AGBL1: variants seen among roughly 807,000 people sequenced by gnomAD.
AGBL1 encodes the protein cytosolic carboxypeptidase 4.
A neutral mutation model predicts 118.9 loss-of-function variants in AGBL1; 130 were observed. The ratio of observed to expected loss-of-function variants is 1.09; its 90% confidence interval spans 0.95 to 1.26. The LOEUF is 1.26. AGBL1 is among the 50% of genes most tolerant of loss of function. The pLI is 0.00. For missense variants in AGBL1, 1,584 were observed against 1,298.1 expected, an observed-to-expected ratio of 1.22 and a Z score of -3.38; for synonymous variants, 555 against 478.9, an observed-to-expected ratio of 1.16 and a Z score of -2.08.
chr15:86,836,029 G>A (rs2079166619), intron 22 of AGBL1, among the ~76,000 whole-genome samples: 1 of 152,082 alleles, frequency 6.6e-6, no homozygotes, highest in Admixed American at 6.6e-5. Context: ...CTTATCCCTT[G>A]ACTAAACTAT....
At chr15:86,643,199 G>A (rs1313279431) in intron 21 of AGBL1, among the ~76,000 whole-genome samples, 1 of 152,084 alleles carries the variant, frequency 6.6e-6, no homozygotes, top group Non-Finnish European at 1.5e-5. Context: ...ATCTTATTTT[G>A]AGAAGTACAC....
Position 86,912,739 on chromosome 15 carries a change from T to TAGGG in AGBL1, c.*5446_*5449dup, listed in dbSNP as rs1341006772. 1 of 152,198 alleles carries TAGGG rather than the reference T, an allele frequency of 6.6e-6. No individual in the cohort carries two copies. The highest frequency in any genetic ancestry group is 6.5e-5 in the Admixed American group (1 of 15,282). The allele number at this position is 152,198 out of a possible 1,614,324, so 9.4% of individuals were successfully genotyped here. On this transcript the variant is annotated 3_prime_UTR_variant, in exon 23 of 23. Coordinates refer to ENST00000614907, the MANE Select transcript of AGBL1 (RefSeq NM_001386094.1). ...AATGCCTGACATAAGTCATCCTTGT[T>TAGGG]AGGGCCACAGAAGAATGACTCGCAT...
intron 22 of AGBL1, among the ~76,000 whole-genome samples, chr15:86,878,472 C>T (rs537764549): frequency 6.6e-6 from 1 of 152,312 alleles, no homozygotes; most frequent in East Asian, 1.9e-4. Flanking sequence ...GGCCATCCCT[C>T]CTATCCATCA....
At chr15:86,283,127 T>C (rs71399819) in intron 16 of AGBL1, among the ~76,000 whole-genome samples, 9,100 of 152,170 alleles carry the variant, frequency 0.06, 311 homozygotes, top group Middle Eastern at 0.095. Flanking sequence ...AAAAAAGCTC[T>C]ATTTTAATCA....
chr15:86,502,003 A>G (rs1049277629), intron 18 of AGBL1, among the ~76,000 whole-genome samples: 24 of 151,552 alleles, frequency 1.6e-4, no homozygotes, highest in African/African-American at 5.8e-4. Flanking sequence ...TATGATAGAG[A>G]TTGTGTTGAA....
At chr15:86,629,748 A>T (rs1253200582) in intron 21 of AGBL1, among the ~76,000 whole-genome samples, 1 of 152,168 alleles carries the variant, frequency 6.6e-6, no homozygotes, top group Non-Finnish European at 1.5e-5. Context: ...ACAGGAAAAA[A>T]AACCCTCTCA....
chr15:86,315,567 A>T (rs2079990796), intron 17 of AGBL1, among the ~76,000 whole-genome samples: 1 of 151,956 alleles, frequency 6.6e-6, no homozygotes, highest in South Asian at 2.1e-4. Context: ...TACAAAAAAA[A>T]ACTAGCCGAG....
chr15:86,461,218 C>A (rs1174444261), intron 18 of AGBL1, among the ~76,000 whole-genome samples: 2 of 151,970 alleles, frequency 1.3e-5, no homozygotes, highest in Non-Finnish European at 2.9e-5. Context: ...TGTGGGGGTA[C>A]CAACACTCTA....
At chr15:86,727,859 T>G (rs909530524) in intron 22 of AGBL1, among the ~76,000 whole-genome samples, 1 of 152,232 alleles carries the variant, frequency 6.6e-6, no homozygotes, top group Non-Finnish European at 1.5e-5. Flanking sequence ...GTTCAGTGAC[T>G]GCTTATCCAG....
At chr15:86,117,131 A>T (rs538672331) in intron 1 of AGBL1, among the ~76,000 whole-genome samples, 3 of 151,948 alleles carry the variant, frequency 2.0e-5, no homozygotes, top group African/African-American at 7.2e-5. Context: ...ACATAAAGAA[A>T]TCTGGAGGTG....
At chr15:86,975,380 AC>A (rs1197789379) in intron 23 of AGBL1, among the ~76,000 whole-genome samples, 1 of 152,004 alleles carries the variant, frequency 6.6e-6, no homozygotes, top group Non-Finnish European at 1.5e-5. Context: ...AGACTTATTC[AC>A]CATCACCAGA....
intron 22 of AGBL1, among the ~76,000 whole-genome samples, chr15:86,867,324 T>A (rs767086580): frequency 1.3e-4 from 20 of 152,188 alleles, no homozygotes; most frequent in Non-Finnish European, 4.4e-5. Context: ...ATTTTCCTTT[T>A]GCCAAGAGTT....
intron 10 of AGBL1, 58 bp downstream of exon 10, chr15:86,262,952 C>G: frequency 1.5e-6 from 2 of 1,307,426 alleles, no homozygotes; most frequent in Non-Finnish European, 2.2e-6. Flanking sequence ...CTTTGCAGAT[C>G]CTGGGAGGCC....
At chr15:86,848,790 A>G (rs1184391672) in intron 22 of AGBL1, among the ~76,000 whole-genome samples, 1 of 152,188 alleles carries the variant, frequency 6.6e-6, no homozygotes, top group Non-Finnish European at 1.5e-5. Context: ...GCACAAATAT[A>G]TTTATCTTTA....
intron 22 of AGBL1, among the ~76,000 whole-genome samples, chr15:86,773,761 T>C (rs2078214196): frequency 6.6e-6 from 1 of 151,926 alleles, no homozygotes; most frequent in Admixed American, 6.6e-5. Flanking sequence ...CACCTACCAC[T>C]AGTTGGCTCT....
At chr15:86,410,969 A>G (rs1254259404) in intron 18 of AGBL1, among the ~76,000 whole-genome samples, 1 of 137,174 alleles carries the variant, frequency 7.3e-6, no homozygotes, top group Non-Finnish European at 1.5e-5. Context: ...ATCTTGTTAA[A>G]GTTTTGGTTA....
chr15:86,790,277 C>A (rs1162804705), intron 22 of AGBL1, among the ~76,000 whole-genome samples: 1 of 151,956 alleles, frequency 6.6e-6, no homozygotes, highest in Non-Finnish European at 1.5e-5. Flanking sequence ...AGGAAAGGAA[C>A]TTGTGTGGCA....
intron 24 of AGBL1, among the ~76,000 whole-genome samples, chr15:87,013,918 C>A (rs902346012): frequency 6.6e-6 from 1 of 152,066 alleles, no homozygotes; most frequent in East Asian, 1.9e-4. Context: ...CAGGAGCTAC[C>A]CTTTCCTAGC....
intron 22 of AGBL1, among the ~76,000 whole-genome samples, chr15:86,711,337 G>T (rs1224149273): frequency 6.6e-6 from 1 of 152,156 alleles, no homozygotes; most frequent in Admixed American, 6.5e-5. Flanking sequence ...TGGTAAATGA[G>T]TTCTGCAGTA....
Sources: gnomAD v4.1 joint callset for allele counts (sites outside exome capture counted in the v4.1 genomes callset) on GRCh38, gnomAD v4.1.1 for gene constraint, MANE v1.5 for transcripts, NCBI Gene and HGNC (gene_info 2026-07-23, HGNC 2026-07-21) for gene names.